ZNF628: variants seen among roughly 807,000 people sequenced by gnomAD.
The protein encoded by ZNF628 is zinc finger protein 628.
Under a neutral mutation model 2.5 loss-of-function variants are expected in ZNF628, and 3 were observed. The ratio of observed to expected loss-of-function variants is 1.19; its 90% CI spans 0.54 to 3.07. The LOEUF (loss-of-function observed/expected upper bound fraction) is 3.07. Ranked by LOEUF, ZNF628 falls within the 30% of genes most tolerant of loss-of-function variation. The probability of loss-of-function intolerance (pLI) is 0.03; values close to 1 mark genes in which losing one functional copy is unlikely to be tolerated. For synonymous variants in ZNF628, 861 were observed against 717.1 expected (o/e 1.20, Z -3.21); for missense variants, 1,610 against 1,517.1 (o/e 1.06, Z -1.02).
chr19:55,481,117 G>T, intron 2 of ZNF628, 84 bp from the exon 3 acceptor site: 1 of 1,436,236 alleles, frequency 7.0e-7, no homozygotes, highest in Non-Finnish European at 9.1e-7. Flanking sequence ...GGTAGTCCCT[G>T]TCCCTTAAAG....
intron 2 of ZNF628, 26 bp from the exon 3 acceptor site, chr19:55,481,175 C>T: frequency 6.7e-7 from 1 of 1,495,756 alleles, no homozygotes; most frequent in Non-Finnish European, 8.9e-7. Flanking sequence ...CGGGGGTGAG[C>T]CGCTGACCCA....
rs771320119 is a variant in ZNF628 at position 55,483,020 on chromosome 19, G to T, written c.1827G>T (p.Leu609=). The stretch of plus-strand genomic sequence containing the variant: ...AGACCTTCACCCACTCCTCCAACCT[G>T]CTGCTGCACCAGCGCACGCACTCGG... ...CPKTFTHSSN[L]LLHQRTHSAE... is the part of the protein sequence containing the mutation. Residue 609 remains leucine (L), a synonymous_variant, in exon 3 of 3, where the codon CTG becomes CTT. Coordinates refer to ENST00000598519, the MANE Select transcript of ZNF628 (RefSeq NM_033113.3). 2.5e-6 allele frequency: 4 copies of T among 1,612,050 alleles called. No homozygotes were observed. Among genetic ancestry groups the T allele is most frequent in the African/African-American group, 2.7e-5 (2 of 74,908 alleles).
In ZNF628 at chr19:55,481,406, G is replaced by A. The variant is rs769405814; in HGVS notation, c.213G>A (p.Lys71=). The change falls in exon 3 of 3, where the codon AAG becomes AAA. Residue 71 remains lysine (K), a synonymous_variant. Coordinates refer to ENST00000598519, the MANE Select transcript of ZNF628 (RefSeq NM_033113.3). ...ERPYKCPDCP[K]AFKGSSALLY... ...CCTACAAGTGCCCAGACTGCCCCAA[G>A]GCTTTCAAAGGCTCCTCGGCCCTGC... The A allele has an allele frequency of 1.2e-6, 2 of 1,613,060 alleles. No homozygotes were observed. The highest frequency in any genetic ancestry group is 8.5e-7 in the Non-Finnish European group (1 of 1,179,668).
chr19:55,481,744 G>C lies in ZNF628; in HGVS notation c.551G>C (p.Ser184Thr). ...TACACCTGTGGAGTCTGCGGGAAGA[G>C]CTTCACGCAGAGCACCAACCTGCGG... is the stretch of plus-strand genomic sequence containing the variant. ...RPYTCGVCGK[S>T]FTQSTNLRQH... Residue 184 changes from serine (S) to threonine (T), a missense_variant, in exon 3 of 3, where the codon AGC (serine) becomes ACC (threonine). By Grantham distance (58) the Ser-to-Thr change is moderately conservative (BLOSUM62 1). This residue lies in a region of ZNF628 where 166 missense variants were observed against 241.3 expected (regional missense o/e 0.69). Transcript: ENST00000598519. The C allele has an allele frequency of 6.2e-7, 1 of 1,610,160 alleles. No homozygotes were observed. Among genetic ancestry groups the C allele is most frequent in the Non-Finnish European group, 8.5e-7 (1 of 1,178,732 alleles).
chr19:55,483,466 G>T lies in ZNF628; in HGVS notation c.2273G>T (p.Arg758Met), dbSNP rs1284190712. ...SSAGAGGGRA[R>M]QGPRAVGKAG... ...GCTGGGGCTGGGGGCGGCCGTGCAAGGCAGGGCCCGCGGGCAGTGGGGAAA... is the reference window on the plus strand; with the variant it reads ...GCTGGGGCTGGGGGCGGCCGTGCAATGCAGGGCCCGCGGGCAGTGGGGAAA... The change falls in exon 3 of 3, where the codon AGG (arginine) becomes ATG (methionine). Residue 758 changes from arginine to methionine, a missense_variant. By Grantham distance (91) the Arg-to-Met change is moderately conservative (BLOSUM62 -1). Coordinates refer to ENST00000598519, the MANE Select transcript of ZNF628 (RefSeq NM_033113.3). 4 of 1,519,072 alleles carry T rather than the reference G, an allele frequency of 2.6e-6. No individual in the cohort carries two copies. Among genetic ancestry groups the T allele is most frequent in the Non-Finnish European group, 3.5e-6 (4 of 1,136,192 alleles). The allele number at this position is 1,519,072 out of a possible 1,614,324, so 94.1% of individuals were successfully genotyped here.
chr19:55,483,936 A>C lies in ZNF628; in HGVS notation c.2743A>C (p.Ser915Arg). 6.4e-7 allele frequency: 1 copy of C among 1,574,416 alleles called. No homozygotes were observed. Among genetic ancestry groups the C allele is most frequent in the South Asian group, 1.2e-5 (1 of 84,698 alleles). The stretch of plus-strand genomic sequence containing the variant: ...CGGGGAGGCGGGGGATGGCGAGGCC[A>C]GCACTGGTGTGGTCCAGGATGTCCT... ...GPGEAGDGEA[S>R]TGVVQDVLFE... The change falls in exon 3 of 3, where the codon AGC (serine) becomes CGC (arginine). Residue 915 changes from serine to arginine, a missense_variant. Transcript: ENST00000598519.
intron 2 of ZNF628, among the ~76,000 whole-genome samples, chr19:55,480,247 TC>T (rs1195829202): frequency 0.025 from 1,926 of 76,492 alleles, 38 homozygotes; most frequent in African/African-American, 0.11. Flanking sequence ...ACTTTTTTTT[TC>T]CTTTTTTTTT....
rs942008145 is a variant in ZNF628 at position 55,481,736 on chromosome 19, C to T, written c.543C>T (p.Cys181=). The change falls in exon 3 of 3, where the codon TGC becomes TGT. Residue 181 remains cysteine (C), a synonymous_variant. Coordinates refer to ENST00000598519, the MANE Select transcript of ZNF628 (RefSeq NM_033113.3). ...AGCGGCCCTACACCTGTGGAGTCTG[C>T]GGGAAGAGCTTCACGCAGAGCACCA... The part of the protein sequence containing the change: ...TGERPYTCGV[C]GKSFTQSTNL... 2.5e-6 allele frequency: 4 copies of T among 1,611,468 alleles called. No individual in the cohort carries two copies. Among genetic ancestry groups the T allele is most frequent in the Non-Finnish European group, 3.4e-6 (4 of 1,179,052 alleles).
chr19:55,484,083 C>T lies in ZNF628; in HGVS notation c.2890C>T (p.Pro964Ser), dbSNP rs1433733338. ...AACACTTCCTCCTGGGCTGACGGAGCCGCCTGCCACCGGCCCACCCGGACA... is the reference window on the plus strand; with the variant it reads ...AACACTTCCTCCTGGGCTGACGGAGTCGCCTGCCACCGGCCCACCCGGACA... ...VETLPPGLTE[P>S]PATGPPGQKL... is the part of the protein sequence containing the mutation. Residue 964 changes from proline (P) to serine (S), a missense_variant, in exon 3 of 3, where the codon CCG becomes TCG. Around this residue, in one of 5 missense-constraint regions of ZNF628, gnomAD observed 712 missense variants for 603.6 expected, o/e 1.18. Coordinates refer to ENST00000598519, the MANE Select transcript of ZNF628 (RefSeq NM_033113.3). The T allele has an allele frequency of 1.3e-6, 2 of 1,591,678 alleles. No homozygotes were observed. The highest frequency in any genetic ancestry group is 8.5e-7 in the Non-Finnish European group (1 of 1,170,716).
chr19:55,479,828 TCA>T lies in ZNF628; in HGVS notation c.-77-3_-77-2del, dbSNP rs1384500498. The T allele has an allele frequency of 1.5e-5, 6 of 398,852 alleles. No individual in the cohort carries two copies. The East Asian group carries it at 2.1e-4, about 14-fold the overall frequency. 24.7% of individuals were successfully genotyped at this position (398,852 alleles called of 1,614,324 possible). On this transcript the variant is annotated splice_region_variant and splice_polypyrimidine_tract_variant and intron_variant, in intron 1 of 2. Coordinates refer to ENST00000598519, the MANE Select transcript of ZNF628 (RefSeq NM_033113.3). This position sits in a 1 kb window ranked among gnomAD's most constrained non-coding sequence, Gnocchi z 5.1. Reference sequence around the variant, plus strand: ...ACTTCGCGTCTGATTGCTTTTATTTTCACAGAGGCATGATCAAGGACAGGGTT... The same window carrying T: ...ACTTCGCGTCTGATTGCTTTTATTTTCAGAGGCATGATCAAGGACAGGGTT...
chr19:55,483,350 G>C lies in ZNF628; in HGVS notation c.2157G>C (p.Gln719His). The C allele has an allele frequency of 6.5e-7, 1 of 1,540,854 alleles. No homozygotes were observed. Among genetic ancestry groups the C allele is most frequent in the Non-Finnish European group, 8.7e-7 (1 of 1,145,390 alleles). Residue 719 changes from glutamine (Q) to histidine (H), a missense_variant, in exon 3 of 3, where the codon CAG (glutamine) becomes CAC (histidine). Physicochemically the swap from Gln to His is conservative, Grantham distance 24. This residue lies in a region of ZNF628 where 712 missense variants were observed against 603.6 expected (regional missense o/e 1.18). Transcript: ENST00000598519. ...SQTFLLVQTA[Q>H]GLQLIPSSVQ... is the part of the protein sequence containing the mutation. ...CGTTCCTCCTGGTGCAAACTGCCCA[G>C]GGCCTCCAGCTGATCCCCAGCAGCG...
At position 55,483,174 on chromosome 19, in the gene ZNF628, C is replaced by T. The variant is rs1213163974; in HGVS notation, c.1981C>T (p.Gln661Ter). ...PSTTAPAAGP[Q>*]PPAPLAAARA... ...CACCACAGCCCCTGCCGCCGGCCCCCAGCCCCCTGCTCCACTGGCTGCTGC... is the reference window on the plus strand; with the variant it reads ...CACCACAGCCCCTGCCGCCGGCCCCTAGCCCCCTGCTCCACTGGCTGCTGC... Residue 661 changes from glutamine (Q) to a stop codon, truncating the protein, a stop_gained, in exon 3 of 3, where the codon CAG becomes TAG. Coordinates refer to ENST00000598519, the MANE Select transcript of ZNF628 (RefSeq NM_033113.3). LOFTEE classifies it low-confidence loss of function (END_TRUNC). The T allele has an allele frequency of 6.5e-7, 1 of 1,548,866 alleles. No homozygotes were observed. The highest frequency in any genetic ancestry group is 8.7e-7 in the Non-Finnish European group (1 of 1,154,732).
Position 55,481,987 on chromosome 19 carries a change from C to T in ZNF628, c.794C>T (p.Pro265Leu). Residue 265 changes from proline to leucine, a missense_variant, in exon 3 of 3, where the codon CCG becomes CTG. Physicochemically the swap from Pro to Leu is moderately conservative, Grantham distance 98. Coordinates refer to ENST00000598519, the MANE Select transcript of ZNF628 (RefSeq NM_033113.3). ...CAGCGGCACCTCCAGCCCCACAGCC[C>T]GCCCGCGCCTCCCGCCCCGCCGCCC... ...YLQRHLQPHS[P>L]PAPPAPPPPP... 4 of 1,459,704 alleles carry T rather than the reference C, an allele frequency of 2.7e-6. No individual in the cohort carries two copies. Among genetic ancestry groups the T allele is most frequent in the Non-Finnish European group, 3.6e-6 (4 of 1,111,986 alleles). The allele number at this position is 1,459,704 out of a possible 1,614,324, so 90.4% of individuals were successfully genotyped here. A position where few individuals can be genotyped will look rare whatever the true frequency, so the allele number is the denominator to read the frequency against.
Position 55,484,305 on chromosome 19 carries a change from C to T in ZNF628, c.3112C>T (p.Pro1038Ser). 6.6e-7 allele frequency: 1 copy of T among 1,509,142 alleles called. No homozygotes were observed. Among genetic ancestry groups the T allele is most frequent in the Non-Finnish European group, 8.9e-7 (1 of 1,127,896 alleles). 93.5% of individuals were successfully genotyped at this position (1,509,142 alleles called of 1,614,324 possible). A position where few individuals can be genotyped will look rare whatever the true frequency, so the allele number is the denominator to read the frequency against. The change falls in exon 3 of 3, where the codon CCT becomes TCT. Residue 1038 changes from proline to serine, a missense_variant. Pro to Ser is a moderately conservative substitution (Grantham distance 74). Around this residue, in one of 5 missense-constraint regions of ZNF628, gnomAD observed 712 missense variants for 603.6 expected, o/e 1.18. Coordinates refer to ENST00000598519, the MANE Select transcript of ZNF628 (RefSeq NM_033113.3). ...PAGAGPGVMT[P>S]QGLPSIQIVQ... ...AGGAGCTGGGCCTGGTGTTATGACC[C>T]CTCAGGGCCTGCCCTCCATCCAGAT...
Position 55,483,233 on chromosome 19 carries a change from C to T in ZNF628, c.2040C>T (p.Val680=). ...RAPPATQDVH[V]LPHLQATLSL... ...CGCCAGCCACCCAAGATGTCCACGT[C>T]CTGCCCCACCTCCAGGCCACGCTCT... The change falls in exon 3 of 3, where the codon GTC becomes GTT. Residue 680 remains valine, a synonymous_variant. Transcript: ENST00000598519. 3.3e-6 allele frequency: 5 copies of T among 1,537,572 alleles called. No homozygotes were observed. The highest frequency in any genetic ancestry group is 4.4e-6 in the Non-Finnish European group (5 of 1,147,472).
chr19:55,483,570 A>T lies in ZNF628; in HGVS notation c.2377A>T (p.Ser793Cys). Residue 793 changes from serine to cysteine, a missense_variant, in exon 3 of 3, where the codon AGC becomes TGC. Physicochemically the swap from Ser to Cys is moderately radical, Grantham distance 112. Around this residue, in one of 5 missense-constraint regions of ZNF628, gnomAD observed 712 missense variants for 603.6 expected, o/e 1.18. Transcript: ENST00000598519. ...GVQGAASAGA[S>C]GTGQSLIVLQ... is the part of the protein sequence containing the mutation. The stretch of plus-strand genomic sequence containing the variant: ...GCAGGGAGCGGCCAGCGCTGGGGCC[A>T]GCGGGACAGGGCAGAGCCTCATCGT... 1 of 1,604,408 alleles carries T rather than the reference A, an allele frequency of 6.2e-7. No homozygotes were observed. Among genetic ancestry groups the T allele is most frequent in the African/African-American group, 1.3e-5 (1 of 74,902 alleles).
At chr19:55,480,215 T>C (rs1331125644) in intron 2 of ZNF628, among the ~76,000 whole-genome samples, 1 of 151,460 alleles carries the variant, frequency 6.6e-6, no homozygotes, top group Non-Finnish European at 1.5e-5. Context: ...AAGTAGGTTG[T>C]TCCAGGCTCA....
chr19:55,481,972 T>G lies in ZNF628; in HGVS notation c.779T>G (p.Leu260Arg). The change falls in exon 3 of 3, where the codon CTC becomes CGC. Residue 260 changes from leucine (L) to arginine (R), a missense_variant. By Grantham distance (102) the Leu-to-Arg change is moderately radical. Transcript: ENST00000598519. ...FVCDAYLQRH[L>R]QPHSPPAPPA... The stretch of plus-strand genomic sequence containing the variant: ...TGCGACGCCTACCTGCAGCGGCACC[T>G]CCAGCCCCACAGCCCGCCCGCGCCT... The G allele has an allele frequency of 6.9e-7, 1 of 1,457,370 alleles. No homozygotes were observed. 90.3% of individuals were successfully genotyped at this position (1,457,370 alleles called of 1,614,324 possible).
chr19:55,482,613 C>T lies in ZNF628; in HGVS notation c.1420C>T (p.Arg474Trp). ...KGSSGLRYHL[R>W]DHTGERPYQC... ...CTCCTCCGGGCTGCGCTACCACCTG[C>T]GGGACCACACGGGCGAGCGGCCCTA... Residue 474 changes from arginine to tryptophan, a missense_variant, in exon 3 of 3, where the codon CGG becomes TGG. Coordinates refer to ENST00000598519, the MANE Select transcript of ZNF628 (RefSeq NM_033113.3). The T allele has an allele frequency of 6.2e-7, 1 of 1,606,872 alleles. No individual in the cohort carries two copies. Among genetic ancestry groups the T allele is most frequent in the Non-Finnish European group, 8.5e-7 (1 of 1,177,786 alleles).
Sources: allele counts gnomAD v4.1 joint callset (sites outside exome capture counted in the v4.1 genomes callset), GRCh38; gene constraint gnomAD v4.1.1; regional missense constraint gnomAD v4.1.1; non-coding constraint Gnocchi (gnomAD v3.1); transcripts MANE v1.5; gene names NCBI Gene and HGNC (gene_info 2026-07-23, HGNC 2026-07-21).